The following PPP2R2B variants were observed in gnomAD, a reference collection of about 807,000 sequenced individuals.
The protein encoded by PPP2R2B is protein phosphatase 2 regulatory subunit Bbeta, also known as serine/threonine-protein phosphatase 2A 55 kDa regulatory subunit B beta isoform.
PPP2R2B carries 5 observed loss-of-function variants against 46.0 expected under a neutral mutation model. The observed-to-expected ratio is 0.11, with a 90% CI of 0.06 to 0.23. The LOEUF (loss-of-function observed/expected upper bound fraction) is 0.23, where lower values mean the gene tolerates loss of function less well. PPP2R2B is among the 10% of genes least tolerant of loss of function. PPP2R2B has a pLI of 1.00. For synonymous variants in PPP2R2B, 215 were observed against 206.7 expected (o/e 1.04, Z -0.34); for missense variants, 367 against 575.0 (o/e 0.64, Z 3.70).
chr5:146,648,981 G>C (rs1406448066), intron 6 of PPP2R2B, among the ~76,000 whole-genome samples: 1 of 152,146 alleles, frequency 6.6e-6, no homozygotes, highest in Non-Finnish European at 1.5e-5. Flanking sequence ...GAAGCTACTG[G>C]AATGTTTTTT....
chr5:146,719,173 G>A (rs1353622232), intron 2 of PPP2R2B, among the ~76,000 whole-genome samples: 1 of 152,142 alleles, frequency 6.6e-6, no homozygotes, highest in Admixed American at 6.5e-5. Context: ...TTACTAGCTG[G>A]CAAATCTTGG....
Position 146,991,139 on chromosome 5 carries a change from T to C in PPP2R2B, c.79+64526A>G, listed in dbSNP as rs118040960. Among the ~76,000 whole-genome samples the C allele has an allele frequency of 8.5e-5, 13 of 152,188 alleles. No individual in the cohort carries two copies. In the East Asian group the frequency reaches 2.5e-3, roughly 29 times the overall value. ...CTCTTCGTAGGAATGTAAATTAGTA[T>C]AGCCATTATGGAAAGCAGTATGGAG... On this transcript the variant is annotated intron_variant, in intron 1 of 8. Coordinates refer to the PPP2R2B transcript ENST00000336640.
At chr5:146,977,608 G>A (rs536360135) in intron 1 of PPP2R2B, among the ~76,000 whole-genome samples, 2 of 152,182 alleles carry the variant, frequency 1.3e-5, no homozygotes, top group South Asian at 4.2e-4. Flanking sequence ...TCCCACTTAT[G>A]AGTGAGAACA....
At chr5:146,855,961 AGT>A (rs972079678) in intron 2 of PPP2R2B, among the ~76,000 whole-genome samples, 2 of 152,202 alleles carry the variant, frequency 1.3e-5, no homozygotes, top group Admixed American at 1.3e-4. Context: ...TTTCCTACAC[AGT>A]GATTTCTAGA....
At chr5:146,880,438 T>C (rs1762129087), upstream of PPP2R2B, among the ~76,000 whole-genome samples, 1 of 152,142 alleles carries the variant, frequency 6.6e-6, no homozygotes, top group Admixed American at 6.5e-5. Context: ...CAACATTCAG[T>C]CCTTTTGTAG....
intron 1 of PPP2R2B, among the ~76,000 whole-genome samples, chr5:147,006,503 A>C (rs1388201087): frequency 1.3e-5 from 2 of 152,196 alleles, no homozygotes; most frequent in East Asian, 1.9e-4. Flanking sequence ...AAGTCCATCA[A>C]TGCAGGGGCA....
intron 1 of PPP2R2B, among the ~76,000 whole-genome samples, chr5:146,944,193 C>T (rs1445498442): frequency 1.3e-5 from 2 of 152,116 alleles, no homozygotes; most frequent in Non-Finnish European, 2.9e-5. Flanking sequence ...TACGCTGAGA[C>T]GTCTAAATTG....
At position 146,877,088 on chromosome 5, in the gene PPP2R2B, C is replaced by T. The variant is rs140733378; in HGVS notation, c.70+914G>A. Among the ~76,000 whole-genome samples the T allele has an allele frequency of 1.2e-3, 189 of 152,176 alleles. 4 individuals are homozygous for T. Among genetic ancestry groups the T allele is most frequent in the African/African-American group, 4.5e-3 (188 of 41,492 alleles). ...TGTATGAGTGGCTAAGGATAAAAGG[C>T]CTACAGGTAGAAAATGAAAGCAAAA... On this transcript the variant is annotated intron_variant, in intron 2 of 9. Transcript: ENST00000394411.
At chr5:147,010,955 G>C (rs994609255) in intron 1 of PPP2R2B, among the ~76,000 whole-genome samples, 2 of 152,118 alleles carry the variant, frequency 1.3e-5, no homozygotes, top group Non-Finnish European at 2.9e-5. Flanking sequence ...TTATCCTTCA[G>C]AAACCTGACT....
rs185490217 is a variant in PPP2R2B at position 147,032,505 on chromosome 5, C to T, written c.79+23160G>A. 6.6e-5 allele frequency among the ~76,000 whole-genome samples: 10 copies of T among 151,706 alleles called. No homozygotes were observed. The East Asian group carries it at 2.0e-3, about 30-fold the overall frequency. On this transcript the variant is annotated intron_variant, in intron 1 of 8. Coordinates refer to the PPP2R2B transcript ENST00000336640. ...ATATTTATAGTATTTTAGCTCTCAC[C>T]CCCCTCTCCCTCTTTCCCCCGAGTC...
intron 2 of PPP2R2B, among the ~76,000 whole-genome samples, chr5:146,806,253 CCCA>C (rs1400343765): frequency 1.3e-5 from 2 of 152,128 alleles, no homozygotes; most frequent in African/African-American, 2.4e-5. Flanking sequence ...TTCAATCTCT[CCCA>C]CCAAGTTGTT....
At chr5:146,885,323 G>C (rs1390156323) in intron 1 of PPP2R2B, among the ~76,000 whole-genome samples, 1 of 152,200 alleles carries the variant, frequency 6.6e-6, no homozygotes, top group Non-Finnish European at 1.5e-5. Flanking sequence ...ACTGTGATTT[G>C]AGCTATTGTG....
intron 2 of PPP2R2B, among the ~76,000 whole-genome samples, chr5:146,741,316 T>A (rs980354922): frequency 6.6e-6 from 1 of 152,210 alleles, no homozygotes. Context: ...CTTAACCTAA[T>A]GAAACTGATT....
intron 2 of PPP2R2B, among the ~76,000 whole-genome samples, chr5:147,079,086 T>C (rs1161177216): frequency 1.3e-5 from 2 of 152,028 alleles, no homozygotes; most frequent in East Asian, 3.9e-4. Context: ...TGACATAAAA[T>C]GGGATTGATA....
chr5:146,685,407 G>C (rs1445155982), intron 5 of PPP2R2B, among the ~76,000 whole-genome samples: 6 of 152,254 alleles, frequency 3.9e-5, no homozygotes, highest in African/African-American at 1.4e-4. Context: ...CTGTCACTAA[G>C]AAAGGCTGAA....
At chr5:146,624,417 C>A (rs1272242919) in intron 7 of PPP2R2B, among the ~76,000 whole-genome samples, 1 of 151,980 alleles carries the variant, frequency 6.6e-6, no homozygotes, top group Admixed American at 6.6e-5. Context: ...CCCTCTACAT[C>A]TTTTTTTTAA....
chr5:146,802,874 A>G (rs1756949294), intron 2 of PPP2R2B, among the ~76,000 whole-genome samples: 1 of 152,202 alleles, frequency 6.6e-6, no homozygotes, highest in Admixed American at 6.5e-5. Flanking sequence ...TTGAACCCAC[A>G]GGACTTCTGG....
chr5:146,637,612 T>C (rs1315842096), intron 7 of PPP2R2B, among the ~76,000 whole-genome samples: 1 of 152,236 alleles, frequency 6.6e-6, no homozygotes, highest in Non-Finnish European at 1.5e-5. Context: ...CTGGTTACTT[T>C]TGTGGCTGTT....
Position 146,696,318 on chromosome 5 carries a change from A to T in PPP2R2B, c.334+1661T>A, listed in dbSNP as rs1038050539. Among the ~76,000 whole-genome samples, 12 of 152,194 alleles carry T rather than the reference A, an allele frequency of 7.9e-5. No homozygotes were observed. In the South Asian group the frequency reaches 2.5e-3, roughly 32 times the overall value. On this transcript the variant is annotated intron_variant, in intron 4 of 9. Coordinates refer to ENST00000394411, the MANE Select transcript of PPP2R2B (RefSeq NM_181675.4). ...ACGGGGTTTCACCGTGTTAGCCAGG[A>T]TGGTCTCGATCTCCTGACCTCATGA...
Sources: allele counts gnomAD v4.1 joint callset (sites outside exome capture counted in the v4.1 genomes callset), GRCh38; gene constraint gnomAD v4.1.1; transcripts MANE v1.5; gene names NCBI Gene and HGNC (gene_info 2026-07-23, HGNC 2026-07-21).